Variants in BRAF observed in about 807,000 individuals in gnomAD.
BRAF encodes the protein serine/threonine-protein kinase B-raf.
In BRAF, 16 loss-of-function variants were observed where a neutral mutation model predicts 104.6. The ratio of observed to expected loss-of-function variants is 0.15; its 90% CI spans 0.10 to 0.23. The LOEUF (loss-of-function observed/expected upper bound fraction) is 0.23, where lower values mean the gene tolerates loss of function less well. Among genes scored for constraint, BRAF ranks in the 10% least tolerant of loss-of-function variants. The pLI is 1.00. For missense variants in BRAF, 541 were observed against 937.3 expected (o/e 0.58, Z 5.52); for synonymous variants, 310 against 341.6 (o/e 0.91, Z 1.02).
At chr7:140,821,043 C>G (rs188486593) in intron 3 of BRAF, among the ~76,000 whole-genome samples, 343 of 152,332 alleles carry the variant, frequency 2.3e-3, no homozygotes, top group Non-Finnish European at 3.9e-3. Context: ...CTCAGTTGCT[C>G]AGGCTGGAGT....
rs138345044 is a variant in BRAF at position 140,819,173 on chromosome 7, C to T, written c.505-10178G>A. 1.1e-3 allele frequency among the ~76,000 whole-genome samples: 173 copies of T among 152,254 alleles called. 4 individuals carry two copies. The East Asian group carries it at 0.03, about 27-fold the overall frequency. ...GTTCAAAAACCTTTGTAATTCTTCTCGTCTCAGGTCATTGGTATTTATCTA... is the reference window on the plus strand; with the variant it reads ...GTTCAAAAACCTTTGTAATTCTTCTTGTCTCAGGTCATTGGTATTTATCTA... On this transcript the variant is annotated intron_variant, in intron 3 of 19. Coordinates refer to ENST00000644969, the MANE Select transcript of BRAF (RefSeq NM_001374258.1).
chr7:140,868,676 C>T (rs564801572), intron 1 of BRAF, among the ~76,000 whole-genome samples: 16 of 152,182 alleles, frequency 1.1e-4, no homozygotes, highest in Admixed American at 7.9e-4. Flanking sequence ...ACACTGAATA[C>T]ACTAAAACCT....
intron 7 of BRAF, chr7:140,799,012 AT>A (rs954404107): frequency 0.019 from 3,021 of 158,358 alleles, no homozygotes; most frequent in East Asian, 0.082. Flanking sequence ...TGCCCAGCTA[AT>A]TTTTTTTTTT....
rs1795445794 is a variant in BRAF at position 140,723,852 on chromosome 7, C to T, written c.*2642G>A. The T allele has an allele frequency of 9.6e-7, 1 of 1,046,260 alleles. No homozygotes were observed. The highest frequency in any genetic ancestry group is 1.2e-6 in the Non-Finnish European group (1 of 867,292). The allele number at this position is 1,046,260 out of a possible 1,614,324, so 64.8% of individuals were successfully genotyped here. A position where few individuals can be genotyped will look rare whatever the true frequency, so the allele number is the denominator to read the frequency against. ...GCTTTTCACAAATAAGGACTTCTTC[C>T]TCGTTTTTTTAGGAGCTCAGTAAGT... On this transcript the variant is annotated 3_prime_UTR_variant, in exon 20 of 20. Transcript: ENST00000644969.
At chr7:140,919,822 G>GT (rs796957025) in intron 1 of BRAF, among the ~76,000 whole-genome samples, 357 of 121,066 alleles carry the variant, frequency 2.9e-3, no homozygotes, top group African/African-American at 8.5e-3. Context: ...CTACAAGCAA[G>GT]TTTTTTTGTT....
At chr7:140,832,525 A>C (rs1201387938) in intron 3 of BRAF, among the ~76,000 whole-genome samples, 2 of 152,062 alleles carry the variant, frequency 1.3e-5, no homozygotes, top group Non-Finnish European at 2.9e-5. Context: ...GATTCAGATA[A>C]AAGAGAGAAT....
intron 1 of BRAF, among the ~76,000 whole-genome samples, chr7:140,873,393 C>T (rs1444363337): frequency 6.6e-6 from 1 of 152,138 alleles, no homozygotes; most frequent in African/African-American, 2.4e-5. Flanking sequence ...TGGTCTTGAA[C>T]TCCAGACCTC....
chr7:140,869,326 G>A (rs1811310085), intron 1 of BRAF, among the ~76,000 whole-genome samples: 4 of 151,948 alleles, frequency 2.6e-5, no homozygotes, highest in Admixed American at 2.6e-4. Context: ...TACAATTGAT[G>A]ACATCTTAAA....
At chr7:140,805,015 G>A (rs1055245257) in intron 5 of BRAF, among the ~76,000 whole-genome samples, 1 of 151,996 alleles carries the variant, frequency 6.6e-6, no homozygotes, top group Non-Finnish European at 1.5e-5. Flanking sequence ...TGTTACCCAG[G>A]CTGGTCTTGA....
At position 140,753,265 on chromosome 7, in the gene BRAF, C is replaced by T. The variant is rs1797928723; in HGVS notation, c.1980+10G>A. 2 of 1,591,960 alleles carry T rather than the reference C, an allele frequency of 1.3e-6. No homozygotes were observed. Among genetic ancestry groups the T allele is most frequent in the Non-Finnish European group, 1.7e-6 (2 of 1,161,066 alleles). ...AATTTAATCAGTGGAAAAATAGCCT[C>T]AATTCTTACCATCCACAAAATGGAT... On this transcript the variant is annotated intron_variant, in intron 16 of 19. Transcript: ENST00000644969.
chr7:140,857,411 C>T (rs951503628), intron 1 of BRAF, among the ~76,000 whole-genome samples: 2 of 152,184 alleles, frequency 1.3e-5, no homozygotes, highest in African/African-American at 2.4e-5. Flanking sequence ...TCTGGATTTC[C>T]GACCTCCAGA....
chr7:140,720,397 CTAACA>C lies in BRAF; in HGVS notation c.*6092_*6096del. The stretch of plus-strand genomic sequence containing the variant: ...AGAGACATACACCCCTGTATGTAAA[CTAACA>C]TAACATGAAGATAAATAAGACATAA... On this transcript the variant is annotated 3_prime_UTR_variant, in exon 20 of 20. Coordinates refer to ENST00000644969, the MANE Select transcript of BRAF (RefSeq NM_001374258.1). 9.4e-7 allele frequency: 1 copy of C among 1,062,092 alleles called. No individual in the cohort carries two copies. The allele number at this position is 1,062,092 out of a possible 1,614,324, so 65.8% of individuals were successfully genotyped here. A position where few individuals can be genotyped will look rare whatever the true frequency, so the allele number is the denominator to read the frequency against.
In BRAF at chr7:140,725,568, TG is replaced by T. The variant is rs1795552889; in HGVS notation, c.*925del. On this transcript the variant is annotated 3_prime_UTR_variant, in exon 20 of 20. Coordinates refer to ENST00000644969, the MANE Select transcript of BRAF (RefSeq NM_001374258.1). Reference sequence around the variant, plus strand: ...TCAAAACTGTTATTAAGCAGTTTTGTGGGGGTTTAGTTAGATACTGCCACGG... The same window carrying T: ...TCAAAACTGTTATTAAGCAGTTTTGTGGGGTTTAGTTAGATACTGCCACGG... The T allele has an allele frequency of 9.5e-7, 1 of 1,053,576 alleles. No individual in the cohort carries two copies. The allele number at this position is 1,053,576 out of a possible 1,614,324, so 65.3% of individuals were successfully genotyped here.
chr7:140,831,637 T>C (rs551832821), intron 3 of BRAF, among the ~76,000 whole-genome samples: 1 of 152,316 alleles, frequency 6.6e-6, no homozygotes, highest in Admixed American at 6.5e-5. Flanking sequence ...TGTAAGGCTA[T>C]ACTGGGGACT....
At chr7:140,869,449 A>G (rs1200758897) in intron 1 of BRAF, among the ~76,000 whole-genome samples, 5 of 152,190 alleles carry the variant, frequency 3.3e-5, no homozygotes, top group Admixed American at 3.3e-4. Context: ...CCTGGCCAAC[A>G]TGGCGAAACC....
intron 4 of BRAF, 172 bp from the exon 5 acceptor site, chr7:140,808,234 T>C (rs973960051): frequency 1.5e-6 from 1 of 667,814 alleles, no homozygotes; most frequent in African/African-American, 1.8e-5. Context: ...ATTTTAAGTT[T>C]ACCCCAAATA....
intron 12 of BRAF, chr7:140,781,319 T>C: frequency 2.1e-6 from 1 of 482,404 alleles, no homozygotes; most frequent in Non-Finnish European, 3.7e-6. Flanking sequence ...TAAAATCCTT[T>C]TGAGGACTAG....
chr7:140,725,838 G>A lies in BRAF; in HGVS notation c.*656C>T. ...AAACAAAAGGCCAGAGACCCCGGAG[G>A]TCAGGAAGAAGATGCAGCATGCCCT... On this transcript the variant is annotated 3_prime_UTR_variant, in exon 20 of 20. Coordinates refer to ENST00000644969, the MANE Select transcript of BRAF (RefSeq NM_001374258.1). The A allele has an allele frequency of 9.4e-7, 1 of 1,063,218 alleles. No individual in the cohort carries two copies. Among genetic ancestry groups the A allele is most frequent in the Non-Finnish European group, 1.1e-6 (1 of 878,072 alleles). 65.9% of individuals were successfully genotyped at this position (1,063,218 alleles called of 1,614,324 possible).
In BRAF at chr7:140,802,827, G is replaced by A. The variant is rs543294224; in HGVS notation, c.712-1267C>T. Among the ~76,000 whole-genome samples, 9 of 152,088 alleles carry A rather than the reference G, an allele frequency of 5.9e-5. No individual in the cohort carries two copies. The South Asian group carries it at 1.0e-3, about 18-fold the overall frequency. On this transcript the variant is annotated intron_variant, in intron 5 of 19. Coordinates refer to ENST00000644969, the MANE Select transcript of BRAF (RefSeq NM_001374258.1). ...TTTTAAAAAGAAAAATTTTAAAACT[G>A]TACTGTAGCCTAAGTGTACAATGTT...
Sources: allele counts gnomAD v4.1 joint callset (sites outside exome capture counted in the v4.1 genomes callset), GRCh38; gene constraint gnomAD v4.1.1; transcripts MANE v1.5; gene names NCBI Gene and HGNC (gene_info 2026-07-23, HGNC 2026-07-21).